Variants in IL7 observed in about 807,000 individuals in gnomAD.
IL7 encodes the protein interleukin 7.
Under a neutral mutation model 21.6 loss-of-function variants are expected in IL7, and 3 were observed. The ratio of observed to expected loss-of-function variants is 0.14; its 90% CI spans 0.06 to 0.36. IL7 has a LOEUF of 0.36. Ranked by LOEUF, IL7 falls within the 10% of genes least tolerant of loss-of-function variation. The probability of loss-of-function intolerance (pLI) is 1.00; values close to 1 mark genes in which losing one functional copy is unlikely to be tolerated. For missense variants in IL7, 175 were observed against 200.2 expected (o/e 0.87, Z 0.76); for synonymous variants, 62 against 68.1 (o/e 0.91, Z 0.44).
intron 3 of IL7, among the ~76,000 whole-genome samples, chr8:78,709,661 A>G (rs1302850908): frequency 1.3e-5 from 2 of 152,070 alleles, no homozygotes; most frequent in African/African-American, 4.8e-5. Context: ...CCACACTGAA[A>G]GAAGAATTGT....
exon 4 of IL7, chr8:78,685,922 G>A (rs1809953515): frequency 6.6e-6 from 1 of 152,400 alleles, no homozygotes; most frequent in African/African-American, 2.4e-5. Context: ...GGAGCATAGT[G>A]CTAGCATCTG....
intron 3 of IL7, among the ~76,000 whole-genome samples, chr8:78,687,878 T>C (rs1810070413): frequency 7.6e-6 from 1 of 130,854 alleles, no homozygotes; most frequent in South Asian, 2.2e-4. Flanking sequence ...ATAATAAATA[T>C]ATATTTATAT....
At chr8:78,782,636 G>A (rs1047330971) in intron 2 of IL7, among the ~76,000 whole-genome samples, 2 of 152,028 alleles carry the variant, frequency 1.3e-5, no homozygotes, top group African/African-American at 4.8e-5. Flanking sequence ...ATGTTAGTGG[G>A]AATGTCTCTA....
intron 2 of IL7, among the ~76,000 whole-genome samples, chr8:78,783,826 A>AT (rs1813421393): frequency 6.6e-6 from 1 of 152,156 alleles, no homozygotes; most frequent in African/African-American, 2.4e-5. Flanking sequence ...AAAGATAAAG[A>AT]TTTATTAAAG....
chr8:78,738,707 G>T, intron 3 of IL7, 72 bp from the exon 4 acceptor site: 1 of 1,439,410 alleles, frequency 6.9e-7, no homozygotes, highest in Non-Finnish European at 9.5e-7. Context: ...TTCTTAAGGA[G>T]CCTAGAGCTT....
intron 2 of IL7, among the ~76,000 whole-genome samples, chr8:78,758,500 A>G (rs1039193271): frequency 6.6e-6 from 1 of 151,808 alleles, no homozygotes; most frequent in Admixed American, 6.6e-5. Flanking sequence ...TTACTTATAG[A>G]TGTTGTACTC....
chr8:78,698,992 T>G (rs1193625112), intron 3 of IL7, among the ~76,000 whole-genome samples: 1 of 152,110 alleles, frequency 6.6e-6, no homozygotes, highest in African/African-American at 2.4e-5. Flanking sequence ...CACTGGACTC[T>G]TTTCACGTTT....
intron 5 of IL7, among the ~76,000 whole-genome samples, chr8:78,735,192 G>A (rs146125585): frequency 3.3e-5 from 5 of 149,288 alleles, no homozygotes; most frequent in Middle Eastern, 3.6e-3. Context: ...CTTGCACACC[G>A]AGAATAAGCA....
downstream of IL7, among the ~76,000 whole-genome samples, chr8:78,732,004 A>G (rs1811432939): frequency 6.6e-6 from 1 of 152,120 alleles, no homozygotes; most frequent in African/African-American, 2.4e-5. Context: ...TTTCAAGGAC[A>G]GTTTCAAGAG....
chr8:78,727,655 C>T (rs1478630682), intron 3 of IL7, among the ~76,000 whole-genome samples: 1 of 151,884 alleles, frequency 6.6e-6, no homozygotes, highest in Non-Finnish European at 1.5e-5. Flanking sequence ...GTATCCAAAC[C>T]TTCTGATAAG....
chr8:78,753,281 G>A (rs999432945), intron 2 of IL7, among the ~76,000 whole-genome samples: 17 of 152,158 alleles, frequency 1.1e-4, no homozygotes, highest in Non-Finnish European at 1.9e-4. Context: ...CATTCTAACT[G>A]GTGTGAGATG....
At chr8:78,749,667 T>G (rs1225497153) in intron 2 of IL7, among the ~76,000 whole-genome samples, 1 of 152,170 alleles carries the variant, frequency 6.6e-6, no homozygotes, top group Non-Finnish European at 1.5e-5. Flanking sequence ...GTCATAGTTG[T>G]GGGGGCTATA....
intron 2 of IL7, among the ~76,000 whole-genome samples, chr8:78,756,367 T>C (rs772988590): frequency 1.3e-5 from 2 of 151,952 alleles, no homozygotes; most frequent in African/African-American, 2.4e-5. Flanking sequence ...CGTTTTTTTC[T>C]TTAAGAATAG....
In IL7 at chr8:78,732,950, C is replaced by A. The variant is rs1210144663; in HGVS notation, c.*763G>T. ...AAAAATATATCTCCCAAATTGCAAA[C>A]TTATTTAGACAAGTTATAATCTATA... On this transcript the variant is annotated 3_prime_UTR_variant, in exon 6 of 6. Coordinates refer to ENST00000263851, the MANE Select transcript of IL7 (RefSeq NM_000880.4). 1 of 143,108 alleles carries A rather than the reference C, an allele frequency of 7.0e-6. No homozygotes were observed. The highest frequency in any genetic ancestry group is 2.7e-5 in the African/African-American group (1 of 37,364). The allele number at this position is 143,108 out of a possible 1,614,324, so 8.9% of individuals were successfully genotyped here.
intron 2 of IL7, chr8:78,747,188 CTTTTTTT>C: frequency 2.4e-5 from 6 of 254,804 alleles, no homozygotes; most frequent in Admixed American, 6.1e-5. Flanking sequence ...TACTTCATTG[CTTTTTTT>C]TTTTTTTTTT....
intron 2 of IL7, among the ~76,000 whole-genome samples, chr8:78,744,049 A>T (rs1359219329): frequency 6.6e-6 from 1 of 152,176 alleles, no homozygotes; most frequent in Non-Finnish European, 1.5e-5. Context: ...GGTCTTGCCC[A>T]GTCAGGAGGA....
chr8:78,706,082 G>C (rs1470343577), intron 3 of IL7, among the ~76,000 whole-genome samples: 1 of 152,086 alleles, frequency 6.6e-6, no homozygotes, highest in Non-Finnish European at 1.5e-5. Flanking sequence ...GCCTCTGGTT[G>C]GTTTGTACTC....
At chr8:78,794,386 C>T (rs1448333455) in intron 2 of IL7, among the ~76,000 whole-genome samples, 4 of 152,074 alleles carry the variant, frequency 2.6e-5, no homozygotes, top group East Asian at 1.9e-4. Flanking sequence ...TCCATCAGCA[C>T]TCTTGGGTGA....
At chr8:78,795,075 G>A (rs1383329367) in intron 2 of IL7, among the ~76,000 whole-genome samples, 1 of 151,966 alleles carries the variant, frequency 6.6e-6, no homozygotes, top group African/African-American at 2.4e-5. Context: ...GATAACCCTG[G>A]GCCTCAGATT....
Sources: allele counts gnomAD v4.1 joint callset (sites outside exome capture counted in the v4.1 genomes callset), GRCh38; gene constraint gnomAD v4.1.1; transcripts MANE v1.5; gene names NCBI Gene and HGNC (gene_info 2026-07-23, HGNC 2026-07-21).